Variants in RBFOX1 observed in about 807,000 individuals in gnomAD.
RBFOX1 encodes the protein RNA binding protein fox-1 homolog 1.
In RBFOX1, 8 loss-of-function variants were observed where a neutral mutation model predicts 57.7. The ratio of observed to expected loss-of-function variants is 0.14; its 90% CI spans 0.08 to 0.25. The LOEUF (loss-of-function observed/expected upper bound fraction) is 0.25. RBFOX1 is among the 10% of genes least tolerant of loss of function. The probability of loss-of-function intolerance (pLI) is 1.00; values close to 1 mark genes in which losing one functional copy is unlikely to be tolerated. For synonymous variants in RBFOX1, 326 were observed against 222.4 expected (o/e 1.47, Z -4.15); for missense variants, 611 against 548.5 (o/e 1.11, Z -1.14).
At chr16:6,155,219 C>G (rs2096830069) in intron 1 of RBFOX1, among the ~76,000 whole-genome samples, 2 of 152,206 alleles carry the variant, frequency 1.3e-5, no homozygotes, top group Admixed American at 6.5e-5. Flanking sequence ...AATCTGCCAT[C>G]TCTTCCTCTG....
chr16:5,465,167 A>T (rs939484934), intron 1 of RBFOX1, among the ~76,000 whole-genome samples: 1 of 152,152 alleles, frequency 6.6e-6, no homozygotes, highest in Admixed American at 6.5e-5. Flanking sequence ...CCAGAAGTCC[A>T]AGATCGAGGT....
intron 4 of RBFOX1, among the ~76,000 whole-genome samples, chr16:7,411,612 G>T (rs2098426021): frequency 6.6e-6 from 1 of 152,148 alleles, no homozygotes; most frequent in East Asian, 1.9e-4. Flanking sequence ...ATCAAAGACG[G>T]GGAATGTCAG....
At chr16:5,509,537 G>A (rs926608059) in intron 2 of RBFOX1, among the ~76,000 whole-genome samples, 10 of 152,226 alleles carry the variant, frequency 6.6e-5, no homozygotes, top group Non-Finnish European at 1.5e-4. Context: ...GAGATGAAGT[G>A]GCTGGCGGCC....
intron 2 of RBFOX1, among the ~76,000 whole-genome samples, chr16:6,343,137 C>T (rs537059914): frequency 2.6e-4 from 40 of 152,122 alleles, no homozygotes; most frequent in African/African-American, 9.2e-4. Context: ...TTTCTTATAC[C>T]CCTCTTCCTC....
rs553244800 is a variant in RBFOX1 at position 6,399,711 on chromosome 16, C to T, written c.-64+82654C>T. Among the ~76,000 whole-genome samples, 35 of 152,128 alleles carry T rather than the reference C, an allele frequency of 2.3e-4. No homozygotes were observed. In the South Asian group the frequency reaches 4.2e-3, roughly 18 times the overall value. ...GTGCACTCCACTACCTCAATAACAG[C>T]TTATGTATTAGTTCATTCTCAAGCT... On this transcript the variant is annotated intron_variant, in intron 2 of 15. Coordinates refer to ENST00000550418, the MANE Select transcript of RBFOX1 (RefSeq NM_018723.4).
intron 1 of RBFOX1, chr16:5,366,713 TA>T (rs1481768936): frequency 2.6e-6 from 1 of 385,998 alleles, no homozygotes; most frequent in Non-Finnish European, 4.9e-6. Context: ...AACAATTTGT[TA>T]AAAATTTTCC....
chr16:6,755,597 G>A (rs945445741), intron 3 of RBFOX1, among the ~76,000 whole-genome samples: 2 of 152,168 alleles, frequency 1.3e-5, no homozygotes, highest in Non-Finnish European at 2.9e-5. Context: ...TGTTGTTTCA[G>A]TGTTTTATCA....
At chr16:5,936,481 G>A (rs1191600724) in intron 4 of RBFOX1, among the ~76,000 whole-genome samples, 2 of 152,180 alleles carry the variant, frequency 1.3e-5, no homozygotes, top group East Asian at 3.9e-4. Context: ...ACTGGAAGGA[G>A]TCCTGTGTGA....
intron 2 of RBFOX1, among the ~76,000 whole-genome samples, chr16:6,443,243 C>G (rs1447210717): frequency 1.6e-4 from 24 of 152,084 alleles, no homozygotes; most frequent in Admixed American, 1.6e-3. Context: ...TTCTTTCCTC[C>G]CTTGTTTTCC....
intron 4 of RBFOX1, among the ~76,000 whole-genome samples, chr16:7,337,997 G>A (rs1205020307): frequency 6.6e-6 from 1 of 152,168 alleles, no homozygotes; most frequent in African/African-American, 2.4e-5. Flanking sequence ...GCTGGTGAAT[G>A]TTTAATTTTC....
At chr16:5,248,848 G>A (rs2062370926) in intron 1 of RBFOX1, among the ~76,000 whole-genome samples, 1 of 152,010 alleles carries the variant, frequency 6.6e-6, no homozygotes, top group African/African-American at 2.4e-5. Context: ...AATTAGCTGG[G>A]CGATGTGTGG....
At chr16:6,902,755 A>C (rs74617011) in intron 3 of RBFOX1, among the ~76,000 whole-genome samples, 1 of 152,122 alleles carries the variant, frequency 6.6e-6, no homozygotes, top group African/African-American at 2.4e-5. Context: ...ATACACATCA[A>C]GTTTTAAAGG....
intron 3 of RBFOX1, among the ~76,000 whole-genome samples, chr16:6,995,165 A>G (rs2092066012): frequency 2.6e-5 from 4 of 152,072 alleles, no homozygotes; most frequent in Admixed American, 2.0e-4. Context: ...TGTTATGGAC[A>G]TTTCTCTTAC....
At chr16:6,364,716 C>T (rs897631403) in intron 2 of RBFOX1, among the ~76,000 whole-genome samples, 2 of 152,178 alleles carry the variant, frequency 1.3e-5, no homozygotes, top group Admixed American at 6.5e-5. Context: ...TGTAATTTCT[C>T]ACCCTGAATT....
intron 2 of RBFOX1, among the ~76,000 whole-genome samples, chr16:6,382,718 G>C (rs564125203): frequency 5.3e-5 from 8 of 152,158 alleles, no homozygotes; most frequent in African/African-American, 1.9e-4. Context: ...AAATCAGCCA[G>C]ATGTGGTGGC....
intron 2 of RBFOX1, among the ~76,000 whole-genome samples, chr16:6,477,813 C>T (rs1297021653): frequency 4.6e-5 from 7 of 152,184 alleles, no homozygotes; most frequent in Non-Finnish European, 1.0e-4. Context: ...TAGCCACCTT[C>T]GTCAGTGATC....
At chr16:5,355,676 C>T (rs1046699463) in intron 1 of RBFOX1, among the ~76,000 whole-genome samples, 1 of 152,138 alleles carries the variant, frequency 6.6e-6, no homozygotes, top group Non-Finnish European at 1.5e-5. Flanking sequence ...AGTCCTAACC[C>T]CTGGTAACTG....
At chr16:7,438,213 C>G (rs2098737937) in intron 4 of RBFOX1, among the ~76,000 whole-genome samples, 1 of 152,118 alleles carries the variant, frequency 6.6e-6, no homozygotes, top group Admixed American at 6.6e-5. Flanking sequence ...GGTACAGTGG[C>G]TACAGAGAGT....
chr16:5,988,577 G>A (rs796616606), intron 4 of RBFOX1, among the ~76,000 whole-genome samples: 154 of 152,226 alleles, frequency 1.0e-3, no homozygotes, highest in African/African-American at 3.5e-3. Context: ...CCTGCTTGGC[G>A]GCATGAGCCT....
Sources: gnomAD v4.1 joint callset for allele counts (sites outside exome capture counted in the v4.1 genomes callset) on GRCh38, gnomAD v4.1.1 for gene constraint, MANE v1.5 for transcripts, NCBI Gene and HGNC (gene_info 2026-07-23, HGNC 2026-07-21) for gene names.